KIAA0753: variants seen among roughly 807,000 people sequenced by gnomAD.
KIAA0753 encodes protein moonraker.
In KIAA0753, 114 loss-of-function variants were observed where a neutral mutation model predicts 116.9. The ratio of observed to expected loss-of-function variants is 0.98; its 90% CI spans 0.84 to 1.14. The LOEUF is 1.14. Among genes scored for constraint, KIAA0753 ranks in the 50% most tolerant of loss-of-function variants. The pLI, the probability that KIAA0753 is intolerant of heterozygous loss-of-function variation, is 0.00. For synonymous variants in KIAA0753, 405 were observed against 413.1 expected (o/e 0.98, Z 0.24); for missense variants, 1,156 against 1,172.4 (o/e 0.99, Z 0.20).
chr17:6,635,126 T>C lies in KIAA0753; in HGVS notation c.-23A>G. The C allele has an allele frequency of 3.3e-6, 5 of 1,534,672 alleles. No homozygotes were observed. Among genetic ancestry groups the C allele is most frequent in the East Asian group, 2.2e-5 (1 of 44,484 alleles). ...CATAATGTCAGGTAGTACAGAACAA[T>C]AGTGACAGCCTTGTCATCCGGCAAC... On this transcript the variant is annotated 5_prime_UTR_variant, in exon 2 of 19. Transcript: ENST00000361413.
At chr17:6,611,758 T>C (rs965572672) in intron 8 of KIAA0753, among the ~76,000 whole-genome samples, 161 bp downstream of exon 8, 1 of 152,216 alleles carries the variant, frequency 6.6e-6, no homozygotes, top group Non-Finnish European at 1.5e-5. Context: ...ATATTAAAAA[T>C]TGTTATTTTT....
At chr17:6,615,641 AAC>A (rs1970870749) in intron 7 of KIAA0753, among the ~76,000 whole-genome samples, 1 of 147,406 alleles carries the variant, frequency 6.8e-6, no homozygotes, top group Admixed American at 6.9e-5. Context: ...AAAAAAAAAA[AAC>A]CTAAATCCTC....
At chr17:6,604,188 G>T (rs1029580822) in intron 12 of KIAA0753, among the ~76,000 whole-genome samples, 1 of 151,838 alleles carries the variant, frequency 6.6e-6, no homozygotes, top group Non-Finnish European at 1.5e-5. Flanking sequence ...TACTTCTACA[G>T]AACTGTTTAT....
chr17:6,614,868 G>A (rs1412060397), intron 7 of KIAA0753, among the ~76,000 whole-genome samples: 1 of 151,746 alleles, frequency 6.6e-6, no homozygotes, highest in Admixed American at 6.6e-5. Flanking sequence ...GTGTGATCTC[G>A]GCTCACTGCA....
intron 2 of KIAA0753, among the ~76,000 whole-genome samples, chr17:6,634,109 T>C (rs1597610203): frequency 6.6e-6 from 1 of 150,756 alleles, no homozygotes; most frequent in Admixed American, 6.6e-5. Context: ...TTTTTTTTTT[T>C]TTTTCTTTTT....
chr17:6,600,220 CA>C (rs1969771942), intron 13 of KIAA0753, among the ~76,000 whole-genome samples, 159 bp downstream of exon 13: 1 of 152,144 alleles, frequency 6.6e-6, no homozygotes, highest in Non-Finnish European at 1.5e-5. Flanking sequence ...CCCTTTTCCA[CA>C]ATGGAGGGCA....
At chr17:6,604,926 T>C (rs1422825160) in intron 12 of KIAA0753, among the ~76,000 whole-genome samples, 3 of 152,044 alleles carry the variant, frequency 2.0e-5, no homozygotes, top group Non-Finnish European at 4.4e-5. Flanking sequence ...ATTTTCAGAC[T>C]TGAAAGGTCT....
intron 18 of KIAA0753, among the ~76,000 whole-genome samples, chr17:6,585,680 T>G (rs1968524365): frequency 6.6e-6 from 1 of 152,232 alleles, no homozygotes; most frequent in African/African-American, 2.4e-5. Flanking sequence ...TTTCTTTTTA[T>G]TCCCTGGAAG....
At chr17:6,625,408 T>A (rs955274837) in intron 3 of KIAA0753, among the ~76,000 whole-genome samples, 7 of 152,126 alleles carry the variant, frequency 4.6e-5, no homozygotes, top group African/African-American at 1.7e-4. Flanking sequence ...GGCTCACCCC[T>A]ATAATCCCAG....
At chr17:6,616,899 A>G (rs1040527210) in intron 7 of KIAA0753, among the ~76,000 whole-genome samples, 1 of 152,170 alleles carries the variant, frequency 6.6e-6, no homozygotes, top group Non-Finnish European at 1.5e-5. Context: ...GTGGGACTAA[A>G]ATCTAGGTCT....
chr17:6,594,533 T>C (rs999820282), intron 16 of KIAA0753, among the ~76,000 whole-genome samples: 5 of 152,232 alleles, frequency 3.3e-5, no homozygotes, highest in Admixed American at 3.3e-4. Flanking sequence ...GAAAGCACAG[T>C]GGTTGCCTAC....
intron 8 of KIAA0753, among the ~76,000 whole-genome samples, chr17:6,610,873 C>T (rs184415009): frequency 2.6e-5 from 4 of 152,220 alleles, no homozygotes; most frequent in Admixed American, 1.3e-4. Flanking sequence ...TGTGGAGAGG[C>T]GCACCCATCT....
intron 8 of KIAA0753, among the ~76,000 whole-genome samples, chr17:6,611,684 T>C (rs1007047219): frequency 4.6e-5 from 7 of 152,210 alleles, no homozygotes; most frequent in Admixed American, 6.5e-5. Flanking sequence ...ATTAGGATAT[T>C]GGTATCATAT....
chr17:6,599,128 T>C, intron 14 of KIAA0753, 109 bp downstream of exon 14: 1 of 743,056 alleles, frequency 1.3e-6, no homozygotes. Flanking sequence ...TTCATACTTC[T>C]TGAGTAGGAT....
intron 2 of KIAA0753, among the ~76,000 whole-genome samples, chr17:6,631,174 A>C (rs1347201583): frequency 1.3e-5 from 2 of 152,228 alleles, no homozygotes; most frequent in Non-Finnish European, 2.9e-5. Context: ...AATAAATACC[A>C]ACAGAAACCA....
chr17:6,596,842 T>C (rs1264629614), intron 14 of KIAA0753, among the ~76,000 whole-genome samples: 6 of 152,246 alleles, frequency 3.9e-5, no homozygotes, highest in Admixed American at 2.6e-4. Flanking sequence ...TGACCTGGTA[T>C]GTTGTACATT....
In KIAA0753 at chr17:6,610,134, T is replaced by C. The variant is rs775545410; in HGVS notation, c.1572A>G (p.Arg524=). The change falls in exon 9 of 19, where the codon AGA becomes AGG. Residue 524 remains arginine (R), a synonymous_variant. Transcript: ENST00000361413. ...TGCTTTTACTGTGAGGTTGGCTTTGTCTACCTCTTTCAGCTTTGCGGAGTC... is the reference window on the plus strand; with the variant it reads ...TGCTTTTACTGTGAGGTTGGCTTTGCCTACCTCTTTCAGCTTTGCGGAGTC... ...QQGLRKAERG[R]QSQPHSKSRV... 28 of 1,613,878 alleles carry C rather than the reference T, an allele frequency of 1.7e-5. No homozygotes were observed. The highest frequency in any genetic ancestry group is 2.2e-5 in the Non-Finnish European group (26 of 1,179,858).
intron 1 of KIAA0753, 158 bp from the exon 2 acceptor site, chr17:6,635,329 T>G (rs1321254174): frequency 9.0e-6 from 3 of 331,662 alleles, no homozygotes; most frequent in Non-Finnish European, 1.5e-5. Flanking sequence ...GATAGTTTCT[T>G]CCATTTATAA....
chr17:6,601,884 C>T (rs1969896545), intron 12 of KIAA0753, among the ~76,000 whole-genome samples: 1 of 152,058 alleles, frequency 6.6e-6, no homozygotes, highest in Admixed American at 6.6e-5. Context: ...CATAGTATTG[C>T]GAGAAAATAT....
Sources: allele counts gnomAD v4.1 joint callset (sites outside exome capture counted in the v4.1 genomes callset), GRCh38; gene constraint gnomAD v4.1.1; transcripts MANE v1.5; gene names NCBI Gene and HGNC (gene_info 2026-07-23, HGNC 2026-07-21).